The following WDFY3 variants were observed in gnomAD, a reference collection of about 807,000 sequenced individuals.
WDFY3 encodes WD repeat and FYVE domain containing 3.
A neutral mutation model predicts 409.6 loss-of-function variants in WDFY3; 66 were observed. That is an observed-to-expected ratio of 0.16 (90% CI 0.13 to 0.20). WDFY3 has a LOEUF of 0.20. Ranked by LOEUF, WDFY3 falls within the 10% of genes least tolerant of loss-of-function variation. WDFY3 has a pLI of 1.00. For synonymous variants in WDFY3, 1,521 were observed against 1,537.1 expected (o/e 0.99, Z 0.25); for missense variants, 3,031 against 4,298.1 (o/e 0.71, Z 8.24).
intron 2 of WDFY3, among the ~76,000 whole-genome samples, chr4:84,923,063 G>A (rs1579142820): frequency 1.3e-5 from 2 of 152,120 alleles, no homozygotes; most frequent in East Asian, 1.9e-4. Flanking sequence ...CAAATAATGA[G>A]GACAAAATCA....
intron 2 of WDFY3, among the ~76,000 whole-genome samples, chr4:84,900,543 T>G (rs891206931): frequency 1.3e-5 from 2 of 152,192 alleles, no homozygotes; most frequent in African/African-American, 4.8e-5. Context: ...ATATAAAAAC[T>G]TGGATTATTC....
At chr4:84,785,602 T>G (rs1375279149) in intron 24 of WDFY3, among the ~76,000 whole-genome samples, 1 of 152,188 alleles carries the variant, frequency 6.6e-6, no homozygotes, top group African/African-American at 2.4e-5. Context: ...AAAGCAGAAA[T>G]TTTCTTTTTA....
chr4:84,892,026 T>TC (rs1382209174), intron 3 of WDFY3, among the ~76,000 whole-genome samples: 2 of 130,418 alleles, frequency 1.5e-5, no homozygotes, highest in Non-Finnish European at 3.2e-5. Flanking sequence ...GCCTTCAATT[T>TC]TTTTTTTTTT....
Position 84,733,556 on chromosome 4 carries a change from G to C in WDFY3, c.7047C>G (p.Cys2349Trp). Reference protein sequence around the residue: ...YVTEEWCQIECELLRERGLWG... With the variant: ...YVTEEWCQIEWELLRERGLWG... ...ACAGCCCCCGCTCCCTCAACAGCTC[G>C]CACTCGATCTGACACCACTCTTCTG... The change falls in exon 44 of 68, where the codon TGC becomes TGG. Residue 2349 changes from cysteine to tryptophan, a missense_variant. Physicochemically the swap from Cys to Trp is radical, Grantham distance 215. This residue lies in a region of WDFY3 where 98 missense variants were observed against 194.9 expected (regional missense o/e 0.50). Transcript: ENST00000295888. 1 of 1,614,044 alleles carries C rather than the reference G, an allele frequency of 6.2e-7. No individual in the cohort carries two copies. Among genetic ancestry groups the C allele is most frequent in the Non-Finnish European group, 8.5e-7 (1 of 1,180,006 alleles).
intron 44 of WDFY3, among the ~76,000 whole-genome samples, chr4:84,727,173 A>G (rs1194854029): frequency 6.6e-6 from 1 of 152,106 alleles, no homozygotes; most frequent in Non-Finnish European, 1.5e-5. Context: ...CAAATCACAC[A>G]GGCAAAACTT....
chr4:84,695,258 G>C (rs546983640), intron 58 of WDFY3, among the ~76,000 whole-genome samples: 1 of 152,148 alleles, frequency 6.6e-6, no homozygotes, highest in East Asian at 1.9e-4. Context: ...CTTAGATCTT[G>C]GTCTTCCTCT....
chr4:84,684,301 G>C (rs538498005), intron 62 of WDFY3, among the ~76,000 whole-genome samples, 176 bp from the exon 63 acceptor site: 2 of 152,036 alleles, frequency 1.3e-5, no homozygotes, highest in Non-Finnish European at 1.5e-5. Flanking sequence ...AAAATACTCC[G>C]AACAGAGGCT....
chr4:84,904,225 C>T lies in WDFY3; in HGVS notation c.-131-7215G>A, dbSNP rs1033860576. ...CTGTGAGAAATAAATTTCTGTCATGCATTCATTCATTCATTCATTCATTCA... is the reference window on the plus strand; with the variant it reads ...CTGTGAGAAATAAATTTCTGTCATGTATTCATTCATTCATTCATTCATTCA... On this transcript the variant is annotated intron_variant, in intron 2 of 67. Transcript: ENST00000295888. Among the ~76,000 whole-genome samples, 4 of 151,432 alleles carry T rather than the reference C, an allele frequency of 2.6e-5. No homozygotes were observed. The East Asian group carries it at 7.7e-4, about 29-fold the overall frequency.
intron 23 of WDFY3, 148 bp from the exon 24 acceptor site, chr4:84,786,287 T>C (rs1747538339): frequency 1.4e-6 from 1 of 739,832 alleles, no homozygotes; most frequent in Non-Finnish European, 2.1e-6. Flanking sequence ...TCTTCTCAGC[T>C]CTTCATTTAT....
intron 9 of WDFY3, among the ~76,000 whole-genome samples, chr4:84,827,431 G>A (rs997927123): frequency 6.6e-6 from 1 of 151,948 alleles, no homozygotes; most frequent in Non-Finnish European, 1.5e-5. Context: ...TGCTGTATGT[G>A]TACTTCCACA....
chr4:84,828,888 C>CATTCCTGGTAAAGCCAGGAAACAA, intron 9 of WDFY3, 116 bp downstream of exon 9: 1 of 1,053,754 alleles, frequency 9.5e-7, no homozygotes, highest in Non-Finnish European at 1.3e-6. Context: ...GCCAGGTATA[C>CATTCCTGGTAAAGCCAGGAAACAA]ATTAAATAAG....
chr4:84,761,517 T>C (rs1036482867), intron 32 of WDFY3, among the ~76,000 whole-genome samples: 2 of 152,162 alleles, frequency 1.3e-5, no homozygotes, highest in Admixed American at 6.6e-5. Flanking sequence ...ATATTTAGGA[T>C]AGTTAGCTCT....
intron 3 of WDFY3, among the ~76,000 whole-genome samples, chr4:84,895,476 G>GAT (rs1330341088): frequency 6.6e-6 from 1 of 152,152 alleles, no homozygotes; most frequent in African/African-American, 2.4e-5. Context: ...GAAAGCACAA[G>GAT]ATACGCTGCT....
intron 4 of WDFY3, among the ~76,000 whole-genome samples, chr4:84,851,098 A>T (rs1018510009): frequency 6.0e-5 from 9 of 151,156 alleles, no homozygotes; most frequent in Non-Finnish European, 2.9e-5. Context: ...AAAATAAATA[A>T]TTTTTAAAAA....
At chr4:84,818,883 C>G (rs1438181589) in intron 12 of WDFY3, among the ~76,000 whole-genome samples, 2 of 152,078 alleles carry the variant, frequency 1.3e-5, no homozygotes, top group Non-Finnish European at 2.9e-5. Context: ...GTAAGCTCTC[C>G]AATTGTCCAA....
At chr4:84,869,201 T>G (rs1275792446) in intron 3 of WDFY3, among the ~76,000 whole-genome samples, 3 of 152,214 alleles carry the variant, frequency 2.0e-5, no homozygotes. Flanking sequence ...ATTAGGAATT[T>G]ATTTCTGACA....
chr4:84,817,182 C>A (rs1753420900), intron 13 of WDFY3, among the ~76,000 whole-genome samples: 1 of 152,052 alleles, frequency 6.6e-6, no homozygotes, highest in African/African-American at 2.4e-5. Context: ...AAGATAATTA[C>A]TGAAAAGGTT....
intron 4 of WDFY3, among the ~76,000 whole-genome samples, chr4:84,856,196 T>C (rs190842109): frequency 6.9e-4 from 105 of 152,332 alleles, no homozygotes; most frequent in Admixed American, 4.1e-3. Context: ...TAAAAAGTAA[T>C]GATAATTTGT....
chr4:84,954,782 G>C (rs566291180), intron 1 of WDFY3, among the ~76,000 whole-genome samples: 1 of 152,130 alleles, frequency 6.6e-6, no homozygotes, highest in Non-Finnish European at 1.5e-5. Flanking sequence ...ATGTTTTATA[G>C]CTGCTTATTT....
Sources: allele counts gnomAD v4.1 joint callset (sites outside exome capture counted in the v4.1 genomes callset), GRCh38; gene constraint gnomAD v4.1.1; regional missense constraint gnomAD v4.1.1; transcripts MANE v1.5; gene names NCBI Gene and HGNC (gene_info 2026-07-23, HGNC 2026-07-21).